WDR33: variants seen among roughly 807,000 people sequenced by gnomAD.
WDR33 encodes the protein WD repeat domain 33.
WDR33 carries 47 observed loss-of-function variants against 164.9 expected under a neutral mutation model. The observed-to-expected ratio is 0.29, with a 90% confidence interval of 0.23 to 0.36. The LOEUF (loss-of-function observed/expected upper bound fraction) is 0.36, where lower values mean the gene tolerates loss of function less well. WDR33 is among the 10% of genes least tolerant of loss of function. WDR33 has a pLI of 1.00. For synonymous variants in WDR33, 505 were observed against 589.0 expected (o/e 0.86, Z 2.06); for missense variants, 1,137 against 1,754.1 (o/e 0.65, Z 6.28).
At chr2:127,740,330 G>A (rs1686974877) in intron 7 of WDR33, among the ~76,000 whole-genome samples, 1 of 148,490 alleles carries the variant, frequency 6.7e-6, no homozygotes, top group African/African-American at 2.5e-5. Flanking sequence ...CACTTTGGGA[G>A]GGATTTGTAT....
intron 7 of WDR33, among the ~76,000 whole-genome samples, chr2:127,739,923 T>C (rs1686963546): frequency 6.6e-6 from 1 of 152,210 alleles, no homozygotes; most frequent in Non-Finnish European, 1.5e-5. Flanking sequence ...TAACACTGAA[T>C]TCTGATTATG....
rs1209761044 is a variant in WDR33 at position 127,717,237 on chromosome 2, G to A, written c.2787C>T (p.Pro929=). ...CCTGCTGCCCTAGGCCTGGTATCAG[G>A]GGTGGGGGGCCTGTGCTCTGTCCTT... is the stretch of plus-strand genomic sequence containing the variant. ...NQEGQSTGPP[P]LIPGLGQQGA... The change falls in exon 17 of 22, where the codon CCC becomes CCT. Residue 929 remains proline (P), a synonymous_variant. Transcript: ENST00000322313. The surrounding 1 kb of genome is among the most constrained non-coding windows in gnomAD (Gnocchi z 5.6). 1.2e-6 allele frequency: 2 copies of A among 1,603,898 alleles called. No individual in the cohort carries two copies. Among genetic ancestry groups the A allele is most frequent in the African/African-American group, 1.3e-5 (1 of 74,662 alleles).
chr2:127,736,909 G>C (rs1686862153), intron 7 of WDR33: 1 of 985,282 alleles, frequency 1.0e-6, no homozygotes, highest in Non-Finnish European at 1.2e-6. Context: ...TTTAAAGGCT[G>C]TATTTAGAAA....
intron 1 of WDR33, among the ~76,000 whole-genome samples, chr2:127,788,289 CG>C (rs1688683267): frequency 9.0e-6 from 1 of 110,746 alleles, no homozygotes; most frequent in Non-Finnish European, 1.9e-5. Context: ...GCCGGCCGGG[CG>C]GGGGGCTGAC....
At chr2:127,788,096 G>C (rs1429456853) in intron 1 of WDR33, among the ~76,000 whole-genome samples, 6 of 87,276 alleles carry the variant, frequency 6.9e-5, no homozygotes, top group East Asian at 3.2e-4. Flanking sequence ...CCTCCCGGAC[G>C]GGGCGGCTGG....
chr2:127,790,769 C>T (rs1688815618), intron 1 of WDR33, among the ~76,000 whole-genome samples: 1 of 152,036 alleles, frequency 6.6e-6, no homozygotes, highest in South Asian at 2.1e-4. Flanking sequence ...TGACCCACAC[C>T]CAGCTTGAAT....
Position 127,719,954 on chromosome 2 carries a change from C to G in WDR33, c.2071G>C (p.Gly691Arg). Residue 691 changes from glycine (G) to arginine (R), a missense_variant, in exon 16 of 22, where the codon GGG (glycine) becomes CGG (arginine). Gly to Arg is a moderately radical substitution (Grantham distance 125). Coordinates refer to ENST00000322313, the MANE Select transcript of WDR33 (RefSeq NM_018383.5). This position sits in a 1 kb window ranked among gnomAD's most constrained non-coding sequence, Gnocchi z 6.5. ...PGPHGPLGPQGPPGPQGSSGP... is the reference protein window; with the variant it reads ...PGPHGPLGPQRPPGPQGSSGP... The stretch of plus-strand genomic sequence containing the variant: ...GAACTACCTTGTGGTCCAGGTGGCC[C>G]TTGAGGTCCCAAAGGGCCATGAGGT... The G allele has an allele frequency of 6.2e-7, 1 of 1,613,982 alleles. No homozygotes were observed. The highest frequency in any genetic ancestry group is 8.5e-7 in the Non-Finnish European group (1 of 1,179,974).
chr2:127,803,541 C>T (rs961819390), intron 1 of WDR33, among the ~76,000 whole-genome samples: 1 of 152,062 alleles, frequency 6.6e-6, no homozygotes. Flanking sequence ...GCACTCCAGC[C>T]TAGGTGACAG....
At chr2:127,765,596 A>T (rs1240433040) in intron 4 of WDR33, among the ~76,000 whole-genome samples, 1 of 152,190 alleles carries the variant, frequency 6.6e-6, no homozygotes, top group Non-Finnish European at 1.5e-5. Flanking sequence ...TCCCTAGGCT[A>T]TACGATAGAC....
intron 1 of WDR33, among the ~76,000 whole-genome samples, chr2:127,772,442 A>AAT (rs1419275242): frequency 6.6e-6 from 1 of 152,124 alleles, no homozygotes; most frequent in African/African-American, 2.4e-5. Flanking sequence ...GTCTTAAAAA[A>AAT]AAAAATTCCA....
intron 7 of WDR33, among the ~76,000 whole-genome samples, chr2:127,740,398 C>T (rs1464295587): frequency 6.6e-6 from 1 of 152,082 alleles, no homozygotes; most frequent in East Asian, 1.9e-4. Context: ...TACACACACG[C>T]ACACATACAC....
chr2:127,745,743 A>C (rs776432717), intron 7 of WDR33, among the ~76,000 whole-genome samples: 1 of 152,206 alleles, frequency 6.6e-6, no homozygotes, highest in Non-Finnish European at 1.5e-5. Context: ...AAGTGGAAAG[A>C]ATGCTCCAAG....
chr2:127,724,070 CAAATAAAT>C lies in WDR33; in HGVS notation c.1196+255_1196+262del, dbSNP rs139698649. ...GCCAGCCTGGACAGAGACCCTGTCTCAAATAAATAAATAAATAAATAAATAAAAGTGGA... is the reference window on the plus strand; with the variant it reads ...GCCAGCCTGGACAGAGACCCTGTCTCAAATAAATAAATAAATAAAAGTGGA... On this transcript the variant is annotated intron_variant, in intron 11 of 21. Transcript: ENST00000322313. This position sits in a 1 kb window ranked among gnomAD's most constrained non-coding sequence, Gnocchi z 4.8. Among the ~76,000 whole-genome samples the C allele has an allele frequency of 2.7e-5, 4 of 150,784 alleles. No individual in the cohort carries two copies. Among genetic ancestry groups the C allele is most frequent in the Non-Finnish European group, 5.9e-5 (4 of 67,786 alleles).
Position 127,738,558 on chromosome 2 carries a change from C to A in WDR33, c.725-11781G>T, listed in dbSNP as rs531126586. Among the ~76,000 whole-genome samples the A allele has an allele frequency of 5.9e-5, 9 of 152,116 alleles. No individual in the cohort carries two copies. In the South Asian group the frequency reaches 1.9e-3, roughly 32 times the overall value. On this transcript the variant is annotated intron_variant, in intron 7 of 21. Transcript: ENST00000322313. This position sits in a 1 kb window ranked among gnomAD's most constrained non-coding sequence, Gnocchi z 4.4. Reference sequence around the variant, plus strand: ...TGTTGTTGAAGAAACTTGACAAACTCTACCTCAAGCAGATGATCAAGATCA... The same window carrying A: ...TGTTGTTGAAGAAACTTGACAAACTATACCTCAAGCAGATGATCAAGATCA...
intron 7 of WDR33, among the ~76,000 whole-genome samples, chr2:127,744,603 G>C (rs1382677073): frequency 6.6e-6 from 1 of 152,070 alleles, no homozygotes; most frequent in African/African-American, 2.4e-5. Flanking sequence ...TGTGAAATTG[G>C]GAAATAAGAG....
At chr2:127,742,840 T>C (rs556792722) in intron 7 of WDR33, among the ~76,000 whole-genome samples, 11 of 149,580 alleles carry the variant, frequency 7.4e-5, no homozygotes, top group African/African-American at 2.2e-4. Flanking sequence ...GTTTAAAATA[T>C]GTATACCTAT....
chr2:127,706,236 G>A lies in WDR33; in HGVS notation c.*87C>T. On this transcript the variant is annotated 3_prime_UTR_variant, in exon 22 of 22. Coordinates refer to ENST00000322313, the MANE Select transcript of WDR33 (RefSeq NM_018383.5). This position sits in a 1 kb window ranked among gnomAD's most constrained non-coding sequence, Gnocchi z 5.1. ...GAAAAGAGTTCAGGGCTACAATGGT[G>A]CAGGCTTCCTTTTGTTTCTCTTGGT... The A allele has an allele frequency of 7.9e-7, 1 of 1,269,054 alleles. No individual in the cohort carries two copies. The highest frequency in any genetic ancestry group is 1.1e-6 in the Non-Finnish European group (1 of 938,204). The allele number at this position is 1,269,054 out of a possible 1,614,324, so 78.6% of individuals were successfully genotyped here.
chr2:127,746,676 AAG>A (rs1687176654), intron 7 of WDR33, among the ~76,000 whole-genome samples: 1 of 152,184 alleles, frequency 6.6e-6, no homozygotes, highest in Admixed American at 6.5e-5. Flanking sequence ...GTGATGTTTA[AAG>A]TTCCCCAGAG....
chr2:127,743,077 C>T (rs1422583269), intron 7 of WDR33, among the ~76,000 whole-genome samples: 1 of 151,940 alleles, frequency 6.6e-6, no homozygotes, highest in African/African-American at 2.4e-5. Flanking sequence ...AATTAAATAC[C>T]TTTCCAGACT....
Sources: gnomAD v4.1 joint callset for allele counts (sites outside exome capture counted in the v4.1 genomes callset) on GRCh38, gnomAD v4.1.1 for gene constraint, Gnocchi (gnomAD v3.1) non-coding constraint, MANE v1.5 for transcripts, NCBI Gene and HGNC (gene_info 2026-07-23, HGNC 2026-07-21) for gene names.